RGS7: variants seen among roughly 807,000 people sequenced by gnomAD.
RGS7 encodes the protein regulator of G protein signaling 7.
Under a neutral mutation model 81.1 loss-of-function variants are expected in RGS7, and 27 were observed. The observed-to-expected ratio is 0.33, with a 90% CI of 0.25 to 0.46. The LOEUF (loss-of-function observed/expected upper bound fraction) is 0.46, where lower values mean the gene tolerates loss of function less well. Among genes scored for constraint, RGS7 ranks in the 20% least tolerant of loss-of-function variants. The pLI, the probability that RGS7 is intolerant of heterozygous loss-of-function variation, is 1.00. For missense variants in RGS7, 396 were observed against 607.4 expected, an observed-to-expected ratio of 0.65 and a Z score of 3.66; for synonymous variants, 208 against 207.7, an observed-to-expected ratio of 1.00 and a Z score of -0.01.
intron 2 of RGS7, among the ~76,000 whole-genome samples, chr1:241,161,843 G>A (rs979780036): frequency 1.3e-5 from 2 of 151,178 alleles, no homozygotes; most frequent in Non-Finnish European, 2.9e-5. Flanking sequence ...TCAGCCACCC[G>A]AGTAGCTGGG....
At chr1:241,126,677 T>C (rs1305479887) in intron 2 of RGS7, among the ~76,000 whole-genome samples, 1 of 152,208 alleles carries the variant, frequency 6.6e-6, no homozygotes, top group Admixed American at 6.5e-5. Context: ...TTACCCCTCC[T>C]ACCTCCAGCC....
Position 240,842,199 on chromosome 1 carries a change from A to ATTTT in RGS7, c.610-15031_610-15028dup, listed in dbSNP as rs568381066. ...TGATTTCAGATTATGTTTGTCAGGA[A>ATTTT]TTTTTTTTTTTTTTTTTGAGACAGA... On this transcript the variant is annotated intron_variant, in intron 9 of 18. Transcript: ENST00000440928. Among the ~76,000 whole-genome samples, 37 of 78,710 alleles carry ATTTT rather than the reference A, an allele frequency of 4.7e-4. 7 individuals carry two copies. Among genetic ancestry groups the ATTTT allele is most frequent in the East Asian group, 7.7e-4 (2 of 2,592 alleles). The allele number at this position is 78,710 out of a possible 152,430, so 51.6% of individuals were successfully genotyped here.
chr1:240,934,102 T>C (rs1050495291), intron 5 of RGS7, among the ~76,000 whole-genome samples: 5 of 152,216 alleles, frequency 3.3e-5, no homozygotes, highest in African/African-American at 7.2e-5. Flanking sequence ...TAGCTGGGAC[T>C]ACAGGCACGC....
Position 241,083,728 on chromosome 1 carries a change from A to G in RGS7, c.175+14938T>C, listed in dbSNP as rs138339060. Among the ~76,000 whole-genome samples the G allele has an allele frequency of 7.7e-3, 1,166 of 152,300 alleles. 6 individuals are homozygous for G. Among genetic ancestry groups the G allele is most frequent in the Non-Finnish European group, 9.9e-3 (672 of 68,012 alleles). ...TTTCTTTCTTATTTATTTGTACATT[A>G]TCTGTTTGTATCCTTGAATTTTCTC... is the stretch of plus-strand genomic sequence containing the variant. On this transcript the variant is annotated intron_variant, in intron 3 of 18. Transcript: ENST00000440928.
At chr1:240,820,457 G>GTT (rs146142650) in intron 10 of RGS7, among the ~76,000 whole-genome samples, 1 of 143,262 alleles carries the variant, frequency 7.0e-6, no homozygotes, top group Non-Finnish European at 1.5e-5. Context: ...AAATTATCCC[G>GTT]TTTTTTTTTT....
In RGS7 at chr1:241,138,168, T is replaced by A. The variant is rs146885693; in HGVS notation, c.79-39406A>T. Among the ~76,000 whole-genome samples the A allele has an allele frequency of 3.3e-3, 337 of 102,384 alleles. 11 individuals carry two copies. The East Asian group carries it at 0.082, about 25-fold the overall frequency. The allele number at this position is 102,384 out of a possible 152,430, so 67.2% of individuals were successfully genotyped here. A position where few individuals can be genotyped will look rare whatever the true frequency, so the allele number is the denominator to read the frequency against. Reference sequence around the variant, plus strand: ...GCCTGGGTAACAGAGCAAGACTCCATCTCAAAAACAAAAAAAAAAAAAAAA... The same window carrying A: ...GCCTGGGTAACAGAGCAAGACTCCAACTCAAAAACAAAAAAAAAAAAAAAA... On this transcript the variant is annotated intron_variant, in intron 2 of 18. Coordinates refer to ENST00000440928, the MANE Select transcript of RGS7 (RefSeq NM_001364886.1).
chr1:241,347,468 G>T (rs759525749), intron 2 of RGS7, among the ~76,000 whole-genome samples: 2 of 152,140 alleles, frequency 1.3e-5, no homozygotes, highest in South Asian at 4.1e-4. Flanking sequence ...ATAAAAAATA[G>T]ATTCCTTTTA....
At chr1:240,875,787 T>C (rs1665302598) in intron 6 of RGS7, among the ~76,000 whole-genome samples, 1 of 152,260 alleles carries the variant, frequency 6.6e-6, no homozygotes, top group South Asian at 2.1e-4. Flanking sequence ...TGATGATTAG[T>C]GACGGGGACC....
chr1:241,229,073 A>T (rs2075494248), intron 2 of RGS7, among the ~76,000 whole-genome samples: 1 of 151,836 alleles, frequency 6.6e-6, no homozygotes, highest in Non-Finnish European at 1.5e-5. Flanking sequence ...AAAAAAAAAA[A>T]AGAAGGAAAA....
intron 2 of RGS7, among the ~76,000 whole-genome samples, chr1:241,207,006 T>C (rs531842608): frequency 3.3e-4 from 45 of 134,580 alleles, no homozygotes; most frequent in African/African-American, 1.2e-3. Context: ...TCTCGCTCTG[T>C]TGCCCAGGCT....
At chr1:241,041,507 T>C (rs2060615210) in intron 3 of RGS7, among the ~76,000 whole-genome samples, 1 of 152,288 alleles carries the variant, frequency 6.6e-6, no homozygotes. Flanking sequence ...GATGTGGCCC[T>C]GTCTCTACCT....
At chr1:240,861,968 T>C (rs1178973724) in intron 9 of RGS7, among the ~76,000 whole-genome samples, 1 of 152,184 alleles carries the variant, frequency 6.6e-6, no homozygotes, top group Non-Finnish European at 1.5e-5. Flanking sequence ...TGTGTGTATA[T>C]GTGTGGGGCT....
chr1:241,292,017 A>G (rs1226319110), intron 2 of RGS7, among the ~76,000 whole-genome samples: 1 of 152,158 alleles, frequency 6.6e-6, no homozygotes, highest in Non-Finnish European at 1.5e-5. Flanking sequence ...TAAGAGACAG[A>G]TGCAGCCTTA....
chr1:240,788,513 A>G (rs554357261), intron 18 of RGS7, among the ~76,000 whole-genome samples: 2 of 152,352 alleles, frequency 1.3e-5, no homozygotes, highest in South Asian at 4.1e-4. Context: ...TTGGTTAAAC[A>G]TGAAAACACT....
intron 3 of RGS7, among the ~76,000 whole-genome samples, chr1:241,075,506 TC>T (rs1430132931): frequency 6.6e-6 from 1 of 152,120 alleles, no homozygotes; most frequent in Non-Finnish European, 1.5e-5. Context: ...ATCAGGGGTG[TC>T]CAGTATTTTG....
intron 2 of RGS7, among the ~76,000 whole-genome samples, chr1:241,191,916 A>G (rs567620359): frequency 6.6e-6 from 1 of 152,294 alleles, no homozygotes; most frequent in South Asian, 2.1e-4. Context: ...CTACCATCTA[A>G]CAGAGATGTA....
intron 2 of RGS7, among the ~76,000 whole-genome samples, chr1:241,344,560 T>C (rs768083697): frequency 2.8e-4 from 42 of 152,230 alleles, no homozygotes; most frequent in Non-Finnish European, 5.9e-4. Flanking sequence ...TCACGTTAAG[T>C]GCATTTTAAC....
At chr1:240,842,790 T>C (rs1313019774) in intron 9 of RGS7, among the ~76,000 whole-genome samples, 1 of 152,144 alleles carries the variant, frequency 6.6e-6, no homozygotes, top group Non-Finnish European at 1.5e-5. Flanking sequence ...TCTTTCTTTC[T>C]TTTTTGGAGT....
intron 3 of RGS7, among the ~76,000 whole-genome samples, chr1:241,008,941 T>C (rs753099125): frequency 4.3e-5 from 6 of 140,894 alleles, no homozygotes; most frequent in Non-Finnish European, 7.7e-5. Context: ...AAAAAAGAAA[T>C]GTGATTATGA....
Sources: allele counts gnomAD v4.1 joint callset (sites outside exome capture counted in the v4.1 genomes callset), GRCh38; gene constraint gnomAD v4.1.1; transcripts MANE v1.5; gene names NCBI Gene and HGNC (gene_info 2026-07-23, HGNC 2026-07-21).